Variants in THSD7B observed in about 807,000 individuals in gnomAD.
THSD7B encodes the protein thrombospondin type 1 domain containing 7B, also known as thrombospondin type-1 domain-containing protein 7B.
Under a neutral mutation model 213.6 loss-of-function variants are expected in THSD7B, and 138 were observed. The ratio of observed to expected loss-of-function variants is 0.65; its 90% confidence interval spans 0.56 to 0.74. The LOEUF (loss-of-function observed/expected upper bound fraction) is 0.74. Ranked by LOEUF, THSD7B falls within the 30% of genes least tolerant of loss-of-function variation. The pLI, the probability that THSD7B is intolerant of heterozygous loss-of-function variation, is 0.00. For missense variants in THSD7B, 1,931 were observed against 1,991.5 expected, an observed-to-expected ratio of 0.97 and a Z score of 0.58; for synonymous variants, 742 against 687.0, an observed-to-expected ratio of 1.08 and a Z score of -1.25.
chr2:137,062,174 T>G (rs1687288511), intron 3 of THSD7B, among the ~76,000 whole-genome samples: 2 of 151,742 alleles, frequency 1.3e-5, no homozygotes, highest in African/African-American at 4.8e-5. Flanking sequence ...AGCTATGGGA[T>G]TATTAATGAT....
At chr2:137,292,932 G>A (rs2104835192) in intron 12 of THSD7B, among the ~76,000 whole-genome samples, 1 of 152,174 alleles carries the variant, frequency 6.6e-6, no homozygotes, top group East Asian at 1.9e-4. Flanking sequence ...TACCCAGTCT[G>A]AACAGTGCAT....
At chr2:136,933,101 G>C (rs964735507) in intron 2 of THSD7B, among the ~76,000 whole-genome samples, 1 of 110,252 alleles carries the variant, frequency 9.1e-6, no homozygotes, top group African/African-American at 3.9e-5. Flanking sequence ...TATATATTTT[G>C]CCCGCCATTC....
chr2:137,139,269 T>G (rs1200291112), intron 5 of THSD7B, among the ~76,000 whole-genome samples: 1 of 152,182 alleles, frequency 6.6e-6, no homozygotes, highest in African/African-American at 2.4e-5. Flanking sequence ...TTTCAAGGAA[T>G]GTTAACTAGA....
intron 7 of THSD7B, among the ~76,000 whole-genome samples, chr2:137,186,973 T>C (rs573306069): frequency 2.0e-5 from 3 of 152,226 alleles, no homozygotes; most frequent in African/African-American, 7.2e-5. Flanking sequence ...GTGGCTATTG[T>C]AAATGCAATT....
At chr2:136,808,578 C>T (rs1484929487) in intron 1 of THSD7B, among the ~76,000 whole-genome samples, 1 of 152,162 alleles carries the variant, frequency 6.6e-6, no homozygotes, top group Non-Finnish European at 1.5e-5. Context: ...TGTTTTCAAT[C>T]AGTTGGCTAA....
At chr2:137,141,182 C>T (rs916026890) in intron 5 of THSD7B, among the ~76,000 whole-genome samples, 2 of 151,990 alleles carry the variant, frequency 1.3e-5, no homozygotes, top group East Asian at 1.9e-4. Flanking sequence ...ATGTATTGGC[C>T]GAGGCAAGGG....
At chr2:137,160,511 T>G in intron 6 of THSD7B, 143 bp downstream of exon 6, 1 of 1,088,650 alleles carries the variant, frequency 9.2e-7, no homozygotes, top group Non-Finnish European at 1.3e-6. Flanking sequence ...GGTATTCAGT[T>G]TTAGGGAGGC....
chr2:137,618,907 A>G (rs1268553998), intron 19 of THSD7B, among the ~76,000 whole-genome samples: 1 of 152,226 alleles, frequency 6.6e-6, no homozygotes, highest in Non-Finnish European at 1.5e-5. Flanking sequence ...GACACTTGCC[A>G]TTACAGAATC....
rs760196375 is a variant in THSD7B, at chr2:137,676,822, A to AT, written c.*224dup. 126 of 403,528 alleles carry AT rather than the reference A, an allele frequency of 3.1e-4. No individual in the cohort carries two copies. Among genetic ancestry groups the AT allele is most frequent in the African/African-American group, 5.4e-4 (26 of 48,020 alleles). 25.0% of individuals were successfully genotyped at this position (403,528 alleles called of 1,614,324 possible). A position where few individuals can be genotyped will look rare whatever the true frequency, so the allele number is the denominator to read the frequency against. ...TTCAAGTTGTTTGTGGGTGTGTTTT[A>AT]TTTTTTTGGTTTTCCCAAGGGACCT... On this transcript the variant is annotated 3_prime_UTR_variant, in exon 28 of 28. Transcript: ENST00000409968.
intron 1 of THSD7B, among the ~76,000 whole-genome samples, chr2:136,843,861 C>A (rs1682956139): frequency 6.6e-6 from 1 of 152,102 alleles, no homozygotes; most frequent in African/African-American, 2.4e-5. Flanking sequence ...CCTTGTTCTC[C>A]TAGGAACACA....
chr2:137,362,297 C>T (rs913253170), intron 12 of THSD7B, among the ~76,000 whole-genome samples: 9 of 152,214 alleles, frequency 5.9e-5, no homozygotes, highest in African/African-American at 2.2e-4. Context: ...TTGTAAAGAC[C>T]ATCGATGCTA....
At chr2:137,517,709 G>A (rs560988503) in intron 15 of THSD7B, among the ~76,000 whole-genome samples, 18 of 152,292 alleles carry the variant, frequency 1.2e-4, no homozygotes, top group African/African-American at 4.1e-4. Flanking sequence ...TGGGCCATAT[G>A]ACTCAGCATA....
chr2:136,797,012 A>ACACACACACACACACAC (rs1553449017), intron 1 of THSD7B, among the ~76,000 whole-genome samples: 2 of 148,930 alleles, frequency 1.3e-5, no homozygotes, highest in Non-Finnish European at 1.5e-5. Flanking sequence ...ACACACACAC[A>ACACACACACACACACAC]ACCTAAAAAA....
At chr2:136,983,131 A>G (rs1685612631) in intron 2 of THSD7B, among the ~76,000 whole-genome samples, 1 of 151,364 alleles carries the variant, frequency 6.6e-6, no homozygotes, top group Admixed American at 6.6e-5. Flanking sequence ...GTGTAGATTA[A>G]CTTCTTGGTT....
chr2:136,941,829 G>T (rs1684833978), intron 2 of THSD7B, among the ~76,000 whole-genome samples: 1 of 152,066 alleles, frequency 6.6e-6, no homozygotes, highest in Non-Finnish European at 1.5e-5. Flanking sequence ...TTCTTTTGCT[G>T]TGCAGAAACT....
chr2:136,978,976 C>T (rs1685532170), intron 2 of THSD7B, among the ~76,000 whole-genome samples: 1 of 151,460 alleles, frequency 6.6e-6, no homozygotes, highest in Non-Finnish European at 1.5e-5. Flanking sequence ...CTCTTGCAAG[C>T]CAGGCCTGGT....
rs147815768 is a variant in THSD7B at position 137,512,629 on chromosome 2, A to G, written c.3139-50592A>G. Among the ~76,000 whole-genome samples, 11 of 152,048 alleles carry G rather than the reference A, an allele frequency of 7.2e-5. No homozygotes were observed. The East Asian group carries it at 1.6e-3, about 21-fold the overall frequency. On this transcript the variant is annotated intron_variant, in intron 15 of 27. Transcript: ENST00000409968. ...GACATATCTTGAACTCTTGAGCTCA[A>G]GTGATCTGTCTGCCTCAGCCTCCTG...
At chr2:137,389,429 T>G (rs1364940482) in intron 12 of THSD7B, among the ~76,000 whole-genome samples, 6 of 85,630 alleles carry the variant, frequency 7.0e-5, no homozygotes, top group South Asian at 4.6e-4. Flanking sequence ...TTTTTTTTTT[T>G]GCTGTGCAGT....
chr2:137,670,684 G>A (rs1405914112), intron 27 of THSD7B, among the ~76,000 whole-genome samples: 1 of 152,072 alleles, frequency 6.6e-6, no homozygotes, highest in Non-Finnish European at 1.5e-5. Context: ...CACTTTGGGA[G>A]GCCAAGGCGG....
Sources: allele counts gnomAD v4.1 joint callset (sites outside exome capture counted in the v4.1 genomes callset), GRCh38; gene constraint gnomAD v4.1.1; transcripts MANE v1.5; gene names NCBI Gene and HGNC (gene_info 2026-07-23, HGNC 2026-07-21).